The following KAZN variants were observed in gnomAD, a reference collection of about 807,000 sequenced individuals.
The protein encoded by KAZN is kazrin, periplakin interacting protein.
Under a neutral mutation model 87.4 loss-of-function variants are expected in KAZN, and 40 were observed. The ratio of observed to expected loss-of-function variants is 0.46; its 90% CI spans 0.36 to 0.60. The LOEUF is 0.60. KAZN is among the 20% of genes least tolerant of loss of function. The pLI is 0.00. For missense variants in KAZN, 898 were observed against 1,073.9 expected (o/e 0.84, Z 2.29); for synonymous variants, 466 against 458.3 (o/e 1.02, Z -0.22).
chr1:14,789,537 G>A (rs1737356), intron 1 of KAZN, among the ~76,000 whole-genome samples: 103,661 of 151,702 alleles, frequency 0.68, 35,742 homozygotes, highest in South Asian at 0.79. Flanking sequence ...ACACCCACCA[G>A]TCGGGACCCT....
intron 2 of KAZN, among the ~76,000 whole-genome samples, chr1:14,299,602 C>T (rs1654385464): frequency 1.3e-5 from 2 of 152,150 alleles, no homozygotes; most frequent in African/African-American, 4.8e-5. Context: ...ATTCTAAAAG[C>T]CCAGGAGCTT....
intron 1 of KAZN, among the ~76,000 whole-genome samples, chr1:14,031,065 T>C (rs1248440041): frequency 6.6e-6 from 1 of 152,180 alleles, no homozygotes; most frequent in Non-Finnish European, 1.5e-5. Flanking sequence ...TCCTTAGAAG[T>C]TGGTTGAAGG....
intron 1 of KAZN, among the ~76,000 whole-genome samples, chr1:13,957,396 G>A (rs187021242): frequency 3.3e-5 from 5 of 152,292 alleles, no homozygotes; most frequent in East Asian, 1.9e-4. Flanking sequence ...TGACAGTAAT[G>A]AGTGCCCTTC....
At chr1:14,265,988 CTG>C (rs1044917691) in intron 2 of KAZN, among the ~76,000 whole-genome samples, 3 of 152,172 alleles carry the variant, frequency 2.0e-5, no homozygotes, top group African/African-American at 7.2e-5. Flanking sequence ...TTCTTTTAAA[CTG>C]GAGATAAGTT....
intron 1 of KAZN, among the ~76,000 whole-genome samples, chr1:14,068,381 C>G (rs987884160): frequency 6.6e-6 from 1 of 152,096 alleles, no homozygotes; most frequent in Non-Finnish European, 1.5e-5. Context: ...GCTCCAAGAC[C>G]CAGTTAGAAA....
At chr1:15,091,291 A>G (rs766449621) in intron 8 of KAZN, among the ~76,000 whole-genome samples, 7 of 152,014 alleles carry the variant, frequency 4.6e-5, no homozygotes, top group Non-Finnish European at 7.4e-5. Context: ...TTACATCTAC[A>G]TATAATTTTT....
intron 2 of KAZN, among the ~76,000 whole-genome samples, chr1:14,425,242 CAG>C (rs1210184537): frequency 6.6e-6 from 1 of 152,182 alleles, no homozygotes; most frequent in Non-Finnish European, 1.5e-5. Context: ...CCATGGGAGA[CAG>C]AGCCTGCCCC....
chr1:14,817,221 A>G (rs923860308), intron 1 of KAZN, among the ~76,000 whole-genome samples: 8 of 152,192 alleles, frequency 5.3e-5, no homozygotes, highest in African/African-American at 1.9e-4. Flanking sequence ...TGTGCAGCAT[A>G]TATCTTGGCG....
intron 1 of KAZN, among the ~76,000 whole-genome samples, chr1:14,129,291 G>A (rs1644939939): frequency 1.3e-5 from 2 of 152,190 alleles, no homozygotes; most frequent in Admixed American, 1.3e-4. Context: ...TTGGACCCCA[G>A]CTTTGTGCTC....
At chr1:14,690,338 G>A (rs1374282776) in intron 1 of KAZN, among the ~76,000 whole-genome samples, 3 of 152,188 alleles carry the variant, frequency 2.0e-5, no homozygotes, top group Non-Finnish European at 4.4e-5. Flanking sequence ...TTACATGGGA[G>A]CCCCAGATTT....
intron 2 of KAZN, among the ~76,000 whole-genome samples, chr1:14,477,373 C>T (rs1333128002): frequency 2.6e-5 from 4 of 151,818 alleles, no homozygotes; most frequent in Non-Finnish European, 1.5e-5. Flanking sequence ...TCGGGTACGT[C>T]TTTATCAGCA....
intron 1 of KAZN, among the ~76,000 whole-genome samples, chr1:14,858,214 CTTTT>C (rs71000342): frequency 1.7e-5 from 2 of 117,028 alleles, no homozygotes; most frequent in Non-Finnish European, 1.7e-5. Context: ...TTTTTCTTTT[CTTTT>C]TTTTTTTTTT....
chr1:13,955,445 T>G (rs1405575904), intron 1 of KAZN, among the ~76,000 whole-genome samples: 1 of 152,106 alleles, frequency 6.6e-6, no homozygotes. Context: ...AAATTATTAT[T>G]TTTTTAAAGT....
chr1:14,812,219 A>G (rs1646433417), intron 1 of KAZN, among the ~76,000 whole-genome samples: 1 of 152,118 alleles, frequency 6.6e-6, no homozygotes, highest in South Asian at 2.1e-4. Context: ...CCTTGAGCAA[A>G]TTTGATGACA....
intron 2 of KAZN, among the ~76,000 whole-genome samples, chr1:14,257,716 T>G (rs1437604358): frequency 6.9e-6 from 1 of 144,264 alleles, no homozygotes; most frequent in Non-Finnish European, 1.5e-5. Flanking sequence ...AGCACCATAT[T>G]CTCACTCATA....
At chr1:13,968,527 G>A (rs954413505) in intron 1 of KAZN, among the ~76,000 whole-genome samples, 2 of 152,038 alleles carry the variant, frequency 1.3e-5, no homozygotes, top group South Asian at 4.1e-4. Flanking sequence ...CTCACGTGAC[G>A]GGTCTACACT....
chr1:14,703,601 A>G (rs1461390236), intron 1 of KAZN, among the ~76,000 whole-genome samples: 4 of 152,214 alleles, frequency 2.6e-5, no homozygotes, highest in Non-Finnish European at 4.4e-5. Context: ...TGTCTTTATT[A>G]GCAGCATGAG....
At chr1:14,944,394 C>T (rs10927590) in intron 1 of KAZN, among the ~76,000 whole-genome samples, 22,001 of 152,244 alleles carry the variant, frequency 0.14, 2,070 homozygotes, top group East Asian at 0.26. Flanking sequence ...GGAGACACAG[C>T]TGTGGGGGCC....
intron 1 of KAZN, among the ~76,000 whole-genome samples, chr1:14,921,588 C>T (rs914189643): frequency 5.9e-5 from 9 of 152,238 alleles, no homozygotes; most frequent in Non-Finnish European, 1.2e-4. Flanking sequence ...CTACAGGGGC[C>T]GGTGGCCTCA....
Sources: gnomAD v4.1 joint callset for allele counts (sites outside exome capture counted in the v4.1 genomes callset) on GRCh38, gnomAD v4.1.1 for gene constraint, MANE v1.5 for transcripts, NCBI Gene and HGNC (gene_info 2026-07-23, HGNC 2026-07-21) for gene names.